LMOD1: variants seen among roughly 807,000 people sequenced by gnomAD.
LMOD1 encodes the protein leiomodin-1.
A neutral mutation model predicts 36.5 loss-of-function variants in LMOD1; 8 were observed. The observed-to-expected ratio is 0.22, with a 90% CI of 0.13 to 0.40. The LOEUF is 0.40. Ranked by LOEUF, LMOD1 falls within the 10% of genes least tolerant of loss-of-function variation. The pLI is 1.00. For missense variants in LMOD1, 630 were observed against 751.1 expected (o/e 0.84, Z 1.88); for synonymous variants, 284 against 288.7 (o/e 0.98, Z 0.17).
At chr1:201,921,358 C>T (rs1195895171) in intron 1 of LMOD1, among the ~76,000 whole-genome samples, 10 of 151,100 alleles carry the variant, frequency 6.6e-5, no homozygotes, top group Admixed American at 5.3e-4. Context: ...CATGGTGGTG[C>T]GAGCCTGCAG....
intron 1 of LMOD1, among the ~76,000 whole-genome samples, chr1:201,941,527 G>A (rs1271115752): frequency 6.6e-6 from 1 of 152,178 alleles, no homozygotes; most frequent in African/African-American, 2.4e-5. Flanking sequence ...TGTACCAGTT[G>A]GGGTTAATCT....
At chr1:201,936,064 G>A (rs1193527600) in intron 1 of LMOD1, among the ~76,000 whole-genome samples, 32 of 135,288 alleles carry the variant, frequency 2.4e-4, no homozygotes, top group Admixed American at 1.7e-3. Flanking sequence ...GCAGTGAGCC[G>A]AGATCACACC....
chr1:201,931,620 A>T (rs1304656272), intron 1 of LMOD1, among the ~76,000 whole-genome samples: 2 of 152,152 alleles, frequency 1.3e-5, no homozygotes, highest in Non-Finnish European at 2.9e-5. Context: ...GATGCTTACA[A>T]GTTTTCAGGT....
intron 1 of LMOD1, among the ~76,000 whole-genome samples, chr1:201,940,449 C>T (rs1682095063): frequency 6.6e-6 from 1 of 151,918 alleles, no homozygotes; most frequent in Non-Finnish European, 1.5e-5. Flanking sequence ...CCTCCCCAAG[C>T]ACTGGGATTA....
At chr1:201,936,096 C>CAAAAAAAAAAAA (rs61077548) in intron 1 of LMOD1, among the ~76,000 whole-genome samples, 2 of 73,096 alleles carry the variant, frequency 2.7e-5, no homozygotes, top group Non-Finnish European at 5.9e-5. Flanking sequence ...GACCTTGTCT[C>CAAAAAAAAAAAA]AAAAAAAAAA....
At chr1:201,904,199 T>G (rs1454600171) in intron 1 of LMOD1, among the ~76,000 whole-genome samples, 1 of 152,126 alleles carries the variant, frequency 6.6e-6, no homozygotes. Context: ...TCTTTCTTTC[T>G]TTCCTTTTCT....
chr1:201,906,975 C>A (rs369642260), intron 1 of LMOD1, among the ~76,000 whole-genome samples: 75 of 152,306 alleles, frequency 4.9e-4, no homozygotes, highest in Middle Eastern at 3.4e-3. Flanking sequence ...GGCCGTAATG[C>A]CTGTTTCCCT....
chr1:201,932,076 T>C (rs1363830973), intron 1 of LMOD1, among the ~76,000 whole-genome samples: 4 of 152,140 alleles, frequency 2.6e-5, no homozygotes, highest in Non-Finnish European at 2.9e-5. Flanking sequence ...GGATGCACAA[T>C]AGAATTGCTA....
rs1465621142 is a variant in LMOD1, at chr1:201,900,691, C to T, written c.322G>A (p.Ala108Thr). The part of the protein sequence containing the change: ...AKNGEERGRD[A>T]SKKALGPRRD... ...CTGGGGCCCAGGGCTTTTTTGCTGG[C>T]ATCTCTGCCCCTTTCCTCTCCATTC... The change falls in exon 2 of 3, where the codon GCC becomes ACC. Residue 108 changes from alanine (A) to threonine (T), a missense_variant. This residue lies in a region of LMOD1 where 405 missense variants were observed against 400.6 expected (regional missense o/e 1.01). Transcript: ENST00000367288. 2 of 1,613,608 alleles carry T rather than the reference C, an allele frequency of 1.2e-6. No individual in the cohort carries two copies. The highest frequency in any genetic ancestry group is 2.7e-5 in the African/African-American group (2 of 74,878).
In LMOD1 at chr1:201,926,082, TCTATA is replaced by T. The variant is rs1457529931; in HGVS notation, c.261+19993_261+19997del. Among the ~76,000 whole-genome samples the T allele has an allele frequency of 5.9e-5, 9 of 152,316 alleles. No homozygotes were observed. In the East Asian group the frequency reaches 7.7e-4, roughly 13 times the overall value. On this transcript the variant is annotated intron_variant, in intron 1 of 2. Transcript: ENST00000367288. Reference sequence around the variant, plus strand: ...AGAAAAACCAGGCATATGTGCTCTATCTATACTGCATACAAACCGACACATTTCCC... The same window carrying T: ...AGAAAAACCAGGCATATGTGCTCTATCTGCATACAAACCGACACATTTCCC...
chr1:201,902,151 A>G (rs1418468530), intron 1 of LMOD1, among the ~76,000 whole-genome samples: 1 of 151,948 alleles, frequency 6.6e-6, no homozygotes, highest in African/African-American at 2.4e-5. Context: ...GAAGGAGCTA[A>G]TTTTAAAGAA....
At chr1:201,915,117 C>A (rs552345870) in intron 1 of LMOD1, among the ~76,000 whole-genome samples, 1 of 152,318 alleles carries the variant, frequency 6.6e-6, no homozygotes, top group East Asian at 1.9e-4. Context: ...GCGTGGGAAG[C>A]ATCTGGCGCT....
chr1:201,936,732 T>C (rs905231792), intron 1 of LMOD1, among the ~76,000 whole-genome samples: 10 of 151,912 alleles, frequency 6.6e-5, no homozygotes, highest in Non-Finnish European at 1.3e-4. Flanking sequence ...AAGTCAGGAG[T>C]TCGAGACCAG....
At chr1:201,933,595 TTATATATATATATATA>T (rs71141426) in intron 1 of LMOD1, among the ~76,000 whole-genome samples, 8 of 63,218 alleles carry the variant, frequency 1.3e-4, no homozygotes, top group East Asian at 1.3e-3. Flanking sequence ...TATACATACA[TTATATATATATATATA>T]TATATATATA....
chr1:201,933,617 A>G (rs1681968813), intron 1 of LMOD1, among the ~76,000 whole-genome samples: 2 of 138,924 alleles, frequency 1.4e-5, no homozygotes, highest in Non-Finnish European at 3.1e-5. Context: ...ATATATATAT[A>G]TATATATGGC....
Position 201,946,284 on chromosome 1 carries a change from G to A in LMOD1, c.57C>T (p.Ser19=), listed in dbSNP as rs2102935130. ...RQVSEDPDID[S]LLETLSPEEM... ...CCTCGGGAGACAGGGTCTCCAGCAG[G>A]CTGTCGATGTCGGGGTCTTCACTCA... The change falls in exon 1 of 3, where the codon AGC becomes AGT. Residue 19 remains serine (S), a synonymous_variant. Transcript: ENST00000367288. 1 of 1,613,984 alleles carries A rather than the reference G, an allele frequency of 6.2e-7. No homozygotes were observed.
rs774111071 is a variant in LMOD1, at chr1:201,900,615, C to G, written c.398G>C (p.Ser133Thr). 7 of 1,613,904 alleles carry G rather than the reference C, an allele frequency of 4.3e-6. No homozygotes were observed. Among genetic ancestry groups the G allele is most frequent in the Non-Finnish European group, 5.9e-6 (7 of 1,179,880 alleles). ...KEPKRGGLKK[S>T]FSRDRDEAGG... ...AGCTTCATCTCTGTCTCTAGAGAAG[C>G]TTTTCTTTAAACCACCCCTCTTTGG... Residue 133 changes from serine to threonine, a missense_variant, in exon 2 of 3, where the codon AGC becomes ACC. This residue lies in a region of LMOD1 where 405 missense variants were observed against 400.6 expected (regional missense o/e 1.01). Coordinates refer to ENST00000367288, the MANE Select transcript of LMOD1 (RefSeq NM_012134.3).
At chr1:201,916,727 G>A (rs543759004) in intron 1 of LMOD1, among the ~76,000 whole-genome samples, 114 of 152,256 alleles carry the variant, frequency 7.5e-4, no homozygotes, top group African/African-American at 2.5e-3. Flanking sequence ...TCTTCAGCCC[G>A]GCTGTGCTGT....
At chr1:201,929,214 T>C (rs1439462602) in intron 1 of LMOD1, among the ~76,000 whole-genome samples, 1 of 152,070 alleles carries the variant, frequency 6.6e-6, no homozygotes, top group Non-Finnish European at 1.5e-5. Flanking sequence ...GTGATTCTCC[T>C]GCCTCAGCCT....
Sources: allele counts gnomAD v4.1 joint callset (sites outside exome capture counted in the v4.1 genomes callset), GRCh38; gene constraint gnomAD v4.1.1; regional missense constraint gnomAD v4.1.1; transcripts MANE v1.5; gene names NCBI Gene and HGNC (gene_info 2026-07-23, HGNC 2026-07-21).